Variants in CFDP1 observed in about 807,000 individuals in gnomAD.
The protein encoded by CFDP1 is chromatin remodeling protein CFDP1, also known as heterochromatin-stabilizing protein CFDP1.
A neutral mutation model predicts 40.1 loss-of-function variants in CFDP1; 31 were observed. The observed-to-expected ratio is 0.77, with a 90% CI of 0.58 to 1.04. The LOEUF (loss-of-function observed/expected upper bound fraction) is 1.04, where lower values mean the gene tolerates loss of function less well. CFDP1 is among the 50% of genes least tolerant of loss of function. The pLI is 0.00. For missense variants in CFDP1, 423 were observed against 343.4 expected, an observed-to-expected ratio of 1.23 and a Z score of -1.83; for synonymous variants, 167 against 120.0, an observed-to-expected ratio of 1.39 and a Z score of -2.56.
chr16:75,432,777 A>T (rs925281253), intron 1 of CFDP1, among the ~76,000 whole-genome samples: 1 of 152,220 alleles, frequency 6.6e-6, no homozygotes, highest in African/African-American at 2.4e-5. Context: ...ATCCCTAAGG[A>T]AAGAAAGTTC....
intron 5 of CFDP1, among the ~76,000 whole-genome samples, chr16:75,348,291 C>T (rs544278716): frequency 3.9e-5 from 6 of 152,100 alleles, no homozygotes; most frequent in Non-Finnish European, 8.8e-5. Flanking sequence ...CCATGCTTGG[C>T]TCCCAATGTT....
At chr16:75,295,428 G>C (rs1290565738) in intron 6 of CFDP1, among the ~76,000 whole-genome samples, 1 of 152,214 alleles carries the variant, frequency 6.6e-6, no homozygotes, top group Non-Finnish European at 1.5e-5. Flanking sequence ...TCTCCACTCT[G>C]AAGGACTGTT....
chr16:75,425,318 T>C (rs2079325640), intron 1 of CFDP1, among the ~76,000 whole-genome samples: 2 of 137,170 alleles, frequency 1.5e-5, no homozygotes, highest in South Asian at 2.2e-4. Flanking sequence ...ACCTGGGAGG[T>C]AGAGGTTGCA....
chr16:75,330,117 A>T (rs1162836416), intron 5 of CFDP1, among the ~76,000 whole-genome samples: 3 of 152,224 alleles, frequency 2.0e-5, no homozygotes, highest in Non-Finnish European at 2.9e-5. Context: ...GCAGCGCACT[A>T]AGGGTTGAAG....
chr16:75,422,105 C>CT (rs979971925), intron 1 of CFDP1, among the ~76,000 whole-genome samples: 1 of 151,784 alleles, frequency 6.6e-6, no homozygotes, highest in Non-Finnish European at 1.5e-5. Flanking sequence ...CTCTCTCTCT[C>CT]TTTTTTTTGA....
chr16:75,336,945 C>G (rs952026333), intron 5 of CFDP1, among the ~76,000 whole-genome samples: 5 of 152,164 alleles, frequency 3.3e-5, no homozygotes, highest in East Asian at 3.8e-4. Context: ...AAAAACTGGA[C>G]AGTTGCTATG....
chr16:75,323,266 A>C (rs2078378343), intron 5 of CFDP1, among the ~76,000 whole-genome samples: 1 of 151,360 alleles, frequency 6.6e-6, no homozygotes, highest in Non-Finnish European at 1.5e-5. Context: ...ACATTAGTCC[A>C]GGCCTACACA....
chr16:75,339,873 T>G (rs1019712883), intron 5 of CFDP1, among the ~76,000 whole-genome samples: 18 of 152,196 alleles, frequency 1.2e-4, no homozygotes, highest in African/African-American at 3.9e-4. Flanking sequence ...GATCTTATAG[T>G]GGAAGACAAA....
chr16:75,338,022 T>A (rs3851734), intron 5 of CFDP1, among the ~76,000 whole-genome samples: 1 of 151,954 alleles, frequency 6.6e-6, no homozygotes, highest in Non-Finnish European at 1.5e-5. Flanking sequence ...CAGCCACTTA[T>A]TCACACGGCA....
intron 5 of CFDP1, among the ~76,000 whole-genome samples, chr16:75,340,179 C>G (rs904767639): frequency 1.3e-5 from 2 of 152,202 alleles, no homozygotes; most frequent in Non-Finnish European, 2.9e-5. Flanking sequence ...GATAAAATCA[C>G]ATTTCCAGGA....
intron 4 of CFDP1, among the ~76,000 whole-genome samples, chr16:75,399,007 A>C (rs1244359508): frequency 6.7e-6 from 1 of 150,326 alleles, no homozygotes; most frequent in African/African-American, 2.4e-5. Flanking sequence ...CAGTGAGCCG[A>C]AATCATGCCA....
intron 5 of CFDP1, among the ~76,000 whole-genome samples, chr16:75,346,860 A>C (rs2078569968): frequency 6.6e-6 from 1 of 152,066 alleles, no homozygotes; most frequent in Non-Finnish European, 1.5e-5. Flanking sequence ...GTTAGTCAAC[A>C]GGACTTGCCC....
chr16:75,388,722 C>T (rs1215944617), intron 5 of CFDP1, among the ~76,000 whole-genome samples: 1 of 152,208 alleles, frequency 6.6e-6, no homozygotes, highest in Non-Finnish European at 1.5e-5. Flanking sequence ...GCTGAACAAA[C>T]CAAAGATTGC....
intron 4 of CFDP1, among the ~76,000 whole-genome samples, chr16:75,395,715 A>C (rs535338888): frequency 6.6e-6 from 1 of 152,168 alleles, no homozygotes; most frequent in South Asian, 2.1e-4. Flanking sequence ...CAAATGAAAC[A>C]ACAATGTGTA....
At chr16:75,414,841 A>T in intron 1 of CFDP1, 146 bp from the exon 2 acceptor site, 2 of 613,654 alleles carry the variant, frequency 3.3e-6, no homozygotes, top group South Asian at 2.0e-5. Context: ...CGAAAACATC[A>T]TTTCCTTGGG....
intron 5 of CFDP1, among the ~76,000 whole-genome samples, chr16:75,388,473 T>C (rs112438155): frequency 6.6e-6 from 1 of 152,118 alleles, no homozygotes. Context: ...ACAGGAACCA[T>C]GCAGGTAATA....
intron 5 of CFDP1, among the ~76,000 whole-genome samples, chr16:75,311,597 T>C (rs1266901265): frequency 6.6e-6 from 1 of 152,196 alleles, no homozygotes; most frequent in Non-Finnish European, 1.5e-5. Context: ...GAAGCACCAC[T>C]GATCTTTAAT....
chr16:75,332,089 G>C (rs908318220), intron 5 of CFDP1, among the ~76,000 whole-genome samples: 11 of 152,218 alleles, frequency 7.2e-5, no homozygotes, highest in South Asian at 2.1e-4. Flanking sequence ...CTTTTCATGC[G>C]CTTCTATCTT....
chr16:75,357,989 G>C (rs1161699887), intron 5 of CFDP1, among the ~76,000 whole-genome samples: 1 of 152,104 alleles, frequency 6.6e-6, no homozygotes, highest in Non-Finnish European at 1.5e-5. Context: ...GGTCACTGTA[G>C]GGTTACTAAC....
Sources: gnomAD v4.1 joint callset for allele counts (sites outside exome capture counted in the v4.1 genomes callset) on GRCh38, gnomAD v4.1.1 for gene constraint, MANE v1.5 for transcripts, NCBI Gene and HGNC (gene_info 2026-07-23, HGNC 2026-07-21) for gene names.